GRB2: variants seen among roughly 807,000 people sequenced by gnomAD.
GRB2 encodes the protein growth factor receptor-bound protein 2.
GRB2 carries 2 observed loss-of-function variants against 27.4 expected under a neutral mutation model. That is an observed-to-expected ratio of 0.07 (90% CI 0.03 to 0.23). GRB2 has a LOEUF of 0.23. Ranked by LOEUF, GRB2 falls within the 10% of genes least tolerant of loss-of-function variation. The pLI is 1.00. For missense variants in GRB2, 102 were observed against 282.4 expected, an observed-to-expected ratio of 0.36 and a Z score of 4.58; for synonymous variants, 94 against 99.6, an observed-to-expected ratio of 0.94 and a Z score of 0.33.
chr17:75,399,879 C>G (rs2079053387), intron 1 of GRB2, among the ~76,000 whole-genome samples: 1 of 147,664 alleles, frequency 6.8e-6, no homozygotes, highest in Admixed American at 6.8e-5. Context: ...ACCATGTTAG[C>G]CAGGATGGTC....
chr17:75,369,371 T>C (rs532042713), intron 2 of GRB2, among the ~76,000 whole-genome samples: 53 of 152,132 alleles, frequency 3.5e-4, no homozygotes, highest in Non-Finnish European at 5.7e-4. Context: ...AAATTGAAGG[T>C]TTCTTTACAC....
At chr17:75,388,322 C>T (rs12944330) in intron 2 of GRB2, among the ~76,000 whole-genome samples, 3 of 152,090 alleles carry the variant, frequency 2.0e-5, no homozygotes, top group African/African-American at 7.2e-5. Flanking sequence ...AGGCTGGTCT[C>T]GAACTCCTGA....
intron 2 of GRB2, among the ~76,000 whole-genome samples, chr17:75,354,060 A>G (rs998364165): frequency 3.3e-5 from 5 of 151,692 alleles, no homozygotes; most frequent in Non-Finnish European, 7.4e-5. Flanking sequence ...CAAAAACGAA[A>G]GGGTGCGTGA....
intron 2 of GRB2, among the ~76,000 whole-genome samples, chr17:75,347,389 G>A (rs926041834): frequency 2.0e-5 from 3 of 152,004 alleles, no homozygotes; most frequent in South Asian, 2.1e-4. Context: ...TACCCTTTCC[G>A]AATTGATTTT....
chr17:75,342,426 C>A (rs1186703664), intron 2 of GRB2, among the ~76,000 whole-genome samples: 1 of 152,128 alleles, frequency 6.6e-6, no homozygotes, highest in Non-Finnish European at 1.5e-5. Flanking sequence ...TTTATACATT[C>A]TCTCTCTTCT....
intron 2 of GRB2, among the ~76,000 whole-genome samples, chr17:75,353,278 C>A (rs912094048): frequency 2.6e-5 from 4 of 151,810 alleles, no homozygotes; most frequent in African/African-American, 4.8e-5. Context: ...ATACTCAAGT[C>A]CCACAGTTGG....
intron 2 of GRB2, among the ~76,000 whole-genome samples, chr17:75,391,714 A>G (rs1375864790): frequency 6.6e-6 from 1 of 151,428 alleles, no homozygotes. Flanking sequence ...AGGCTGAGGC[A>G]GGAGAATGGC....
intron 2 of GRB2, among the ~76,000 whole-genome samples, chr17:75,379,122 T>C (rs927823424): frequency 6.6e-6 from 1 of 152,188 alleles, no homozygotes; most frequent in African/African-American, 2.4e-5. Flanking sequence ...TTATGTTTTA[T>C]GGTACCCAGG....
At chr17:75,361,889 G>A (rs955574552) in intron 2 of GRB2, among the ~76,000 whole-genome samples, 6 of 151,040 alleles carry the variant, frequency 4.0e-5, no homozygotes, top group Admixed American at 2.0e-4. Flanking sequence ...AAAAAAAAAA[G>A]GGATTATTAA....
intron 2 of GRB2, among the ~76,000 whole-genome samples, chr17:75,362,180 T>C (rs2078787094): frequency 6.6e-6 from 1 of 152,208 alleles, no homozygotes; most frequent in Non-Finnish European, 1.5e-5. Context: ...CACAGATACG[T>C]AGGTCCTACA....
chr17:75,320,972 G>A lies in GRB2; in HGVS notation c.469-419C>T, dbSNP rs367938331. On this transcript the variant is annotated intron_variant, in intron 5 of 5. Transcript: ENST00000316804. This position sits in a 1 kb window ranked among gnomAD's most constrained non-coding sequence, Gnocchi z 4.3. ...TCGAATAACATAAGGGGCTCTAACC[G>A]TAACTTACGACCAGGGCTCGAGGGA... Among the ~76,000 whole-genome samples the A allele has an allele frequency of 1.7e-3, 251 of 152,100 alleles. 8 individuals are homozygous for A. In the South Asian group the frequency reaches 0.048, roughly 29 times the overall value.
intron 4 of GRB2, 101 bp from the exon 5 acceptor site, chr17:75,321,928 G>A (rs559214723): frequency 3.5e-6 from 4 of 1,138,558 alleles, no homozygotes; most frequent in African/African-American, 1.5e-5. Flanking sequence ...CACTGTCCCA[G>A]CAGCACTCCT....
At chr17:75,385,224 G>A (rs1199430453) in intron 2 of GRB2, among the ~76,000 whole-genome samples, 1 of 151,926 alleles carries the variant, frequency 6.6e-6, no homozygotes, top group Non-Finnish European at 1.5e-5. Flanking sequence ...CTGGGTGACA[G>A]AGCAAGACCC....
intron 2 of GRB2, among the ~76,000 whole-genome samples, chr17:75,369,458 A>T (rs2078841610): frequency 6.6e-6 from 1 of 152,122 alleles, no homozygotes; most frequent in African/African-American, 2.4e-5. Flanking sequence ...ATATTGAGAA[A>T]AACTCCCATT....
chr17:75,356,297 GCTGGAGCC>G (rs771656074), intron 2 of GRB2, among the ~76,000 whole-genome samples: 45 of 152,176 alleles, frequency 3.0e-4, no homozygotes, highest in Admixed American at 2.6e-3. Context: ...CAAGAGGTTC[GCTGGAGCC>G]CAGGAGCCAA....
intron 4 of GRB2, among the ~76,000 whole-genome samples, chr17:75,322,767 G>A (rs995698099): frequency 8.5e-5 from 13 of 152,142 alleles, no homozygotes; most frequent in East Asian, 1.9e-4. Context: ...AGGATATTTG[G>A]CTAAAACACC....
At position 75,321,236 on chromosome 17, in the gene GRB2, G is replaced by T. The variant is rs61757942; in HGVS notation, c.468+423C>A. 7.3e-3 allele frequency among the ~76,000 whole-genome samples: 1,072 copies of T among 146,954 alleles called. 14 individuals are homozygous for T. The highest frequency in any genetic ancestry group is 0.026 in the African/African-American group (1,018 of 38,592). Reference sequence around the variant, plus strand: ...CTGTCGCCCAGGTTGGAGTGCAGTGGTGCAATCTCAGCTCACTACAATCTC... The same window carrying T: ...CTGTCGCCCAGGTTGGAGTGCAGTGTTGCAATCTCAGCTCACTACAATCTC... On this transcript the variant is annotated intron_variant, in intron 5 of 5. Transcript: ENST00000316804.
At chr17:75,321,264 C>T (rs2078457699) in intron 5 of GRB2, among the ~76,000 whole-genome samples, 1 of 149,562 alleles carries the variant, frequency 6.7e-6, no homozygotes, top group African/African-American at 2.5e-5. Context: ...ACAATCTCCA[C>T]CTCCTGGGTT....
chr17:75,374,319 G>A lies in GRB2; in HGVS notation c.78+19232C>T, dbSNP rs181712091. Reference sequence around the variant, plus strand: ...GTCAGGAGGCTGAGGCAAGAGAATCGCTGGAACCCGGGAGGCGGAGGTTGC... The same window carrying A: ...GTCAGGAGGCTGAGGCAAGAGAATCACTGGAACCCGGGAGGCGGAGGTTGC... On this transcript the variant is annotated intron_variant, in intron 2 of 5. Transcript: ENST00000316804. Among the ~76,000 whole-genome samples the A allele has an allele frequency of 3.8e-3, 565 of 148,558 alleles. 1 individual carries two copies. Among genetic ancestry groups the A allele is most frequent in the African/African-American group, 0.013 (538 of 40,442 alleles).
Sources: allele counts gnomAD v4.1 joint callset (sites outside exome capture counted in the v4.1 genomes callset), GRCh38; gene constraint gnomAD v4.1.1; non-coding constraint Gnocchi (gnomAD v3.1); transcripts MANE v1.5; gene names NCBI Gene and HGNC (gene_info 2026-07-23, HGNC 2026-07-21).